NTRK3: variants seen among roughly 807,000 people sequenced by gnomAD.
NTRK3 encodes NT-3 growth factor receptor.
NTRK3 carries 24 observed loss-of-function variants against 91.7 expected under a neutral mutation model. The observed-to-expected ratio is 0.26, with a 90% CI of 0.19 to 0.37. The LOEUF (loss-of-function observed/expected upper bound fraction) is 0.37. Among genes scored for constraint, NTRK3 ranks in the 10% least tolerant of loss-of-function variants. The pLI, the probability that NTRK3 is intolerant of heterozygous loss-of-function variation, is 1.00. For missense variants in NTRK3, 880 were observed against 1,068.9 expected (o/e 0.82, Z 2.46); for synonymous variants, 483 against 404.0 (o/e 1.20, Z -2.34).
At chr15:88,009,356 A>T (rs951563504) in intron 14 of NTRK3, among the ~76,000 whole-genome samples, 1 of 151,702 alleles carries the variant, frequency 6.6e-6, no homozygotes, top group African/African-American at 2.4e-5. Context: ...AGATGAGCAG[A>T]AAGAGTTGGG....
At chr15:88,173,616 C>A (rs543958429) in intron 5 of NTRK3, among the ~76,000 whole-genome samples, 1 of 152,238 alleles carries the variant, frequency 6.6e-6, no homozygotes, top group Non-Finnish European at 1.5e-5. Flanking sequence ...TGCTAGCAAC[C>A]AGGTGCAAAG....
At chr15:87,916,873 T>C (rs2141802862) in intron 17 of NTRK3, among the ~76,000 whole-genome samples, 1 of 152,114 alleles carries the variant, frequency 6.6e-6, no homozygotes, top group South Asian at 2.1e-4. Context: ...GTGATTCTCC[T>C]GCCTCAGCCT....
intron 14 of NTRK3, among the ~76,000 whole-genome samples, chr15:87,987,675 C>G (rs1353885059): frequency 6.6e-6 from 1 of 151,860 alleles, no homozygotes; most frequent in Non-Finnish European, 1.5e-5. Flanking sequence ...GTATACAGTA[C>G]TCATAGATTT....
intron 14 of NTRK3, among the ~76,000 whole-genome samples, chr15:87,996,632 A>C (rs139173496): frequency 1.8e-3 from 273 of 152,296 alleles, no homozygotes; most frequent in African/African-American, 6.2e-3. Context: ...GCAATGCTTA[A>C]AGAAGTGTGG....
intron 17 of NTRK3, among the ~76,000 whole-genome samples, chr15:87,916,823 G>C (rs1386946583): frequency 2.6e-5 from 4 of 151,658 alleles, no homozygotes; most frequent in Non-Finnish European, 4.4e-5. Flanking sequence ...GTGCGGTGGT[G>C]TGATCTCGGC....
rs896811474 is a variant in NTRK3, at chr15:87,900,666, C to T, written c.2134-20238G>A. Among the ~76,000 whole-genome samples, 3 of 150,912 alleles carry T rather than the reference C, an allele frequency of 2.0e-5. No individual in the cohort carries two copies. The East Asian group carries it at 5.9e-4, about 30-fold the overall frequency. On this transcript the variant is annotated intron_variant, in intron 17 of 18. Transcript: ENST00000394480. ...TCAAGGCCCTTCCTAACACCTGCAGCATCAGCAGCCTGACTTTACAGAGGG... is the reference window on the plus strand; with the variant it reads ...TCAAGGCCCTTCCTAACACCTGCAGTATCAGCAGCCTGACTTTACAGAGGG...
chr15:88,151,477 C>A (rs1838784828), intron 5 of NTRK3, among the ~76,000 whole-genome samples: 3 of 152,170 alleles, frequency 2.0e-5, no homozygotes, highest in Admixed American at 2.0e-4. Flanking sequence ...CAGTAGAAAC[C>A]TAAGCACAGT....
intron 13 of NTRK3, among the ~76,000 whole-genome samples, chr15:88,040,745 C>A (rs1255048598): frequency 1.3e-5 from 2 of 152,106 alleles, no homozygotes; most frequent in African/African-American, 4.8e-5. Flanking sequence ...AGTGACAGAA[C>A]CCCAAGGATG....
rs532908146 is a variant in NTRK3 at position 87,887,966 on chromosome 15, A to C, written c.2134-7538T>G. 5.4e-4 allele frequency among the ~76,000 whole-genome samples: 82 copies of C among 152,312 alleles called. 1 individual carries two copies. Among genetic ancestry groups the C allele is most frequent in the African/African-American group, 1.9e-3 (81 of 41,584 alleles). ...CAAGCTCTCAATGAGATAATTAAGG[A>C]TTTTAAGGCTGAACCCTGAAAAAAG... On this transcript the variant is annotated intron_variant, in intron 17 of 18. Coordinates refer to ENST00000394480, the Ensembl canonical transcript of NTRK3.
At chr15:88,197,093 A>T (rs11633036) in intron 3 of NTRK3, among the ~76,000 whole-genome samples, 1 of 124,928 alleles carries the variant, frequency 8.0e-6, no homozygotes, top group African/African-American at 3.5e-5. Flanking sequence ...GTTGAGCAGG[A>T]CAAAAAAAAA....
At chr15:88,090,342 G>A (rs2048903669) in intron 13 of NTRK3, among the ~76,000 whole-genome samples, 1 of 152,208 alleles carries the variant, frequency 6.6e-6, no homozygotes, top group South Asian at 2.1e-4. Context: ...ATGTAAGCCA[G>A]TACTTGGTGC....
chr15:88,210,440 C>CT (rs939365501), intron 3 of NTRK3, among the ~76,000 whole-genome samples: 1 of 152,190 alleles, frequency 6.6e-6, no homozygotes, highest in African/African-American at 2.4e-5. Flanking sequence ...AGGAATGCTA[C>CT]AGAATGTCCT....
At chr15:88,132,791 G>T (rs16941325) in intron 10 of NTRK3, among the ~76,000 whole-genome samples, 1,827 of 152,258 alleles carry the variant, frequency 0.012, 21 homozygotes, top group African/African-American at 0.042. Context: ...CCCTGTCACT[G>T]CCTTTTCATC....
At chr15:88,198,262 C>T (rs1436264881) in intron 3 of NTRK3, among the ~76,000 whole-genome samples, 1 of 152,070 alleles carries the variant, frequency 6.6e-6, no homozygotes, top group Non-Finnish European at 1.5e-5. Flanking sequence ...CATCCTTACC[C>T]ACTGCTTCCT....
chr15:88,000,562 T>C (rs2076030653), intron 14 of NTRK3, among the ~76,000 whole-genome samples: 1 of 152,210 alleles, frequency 6.6e-6, no homozygotes, highest in Non-Finnish European at 1.5e-5. Flanking sequence ...CTTGCTGGTA[T>C]TATGGATTTG....
Position 87,860,729 on chromosome 15 carries a change from T to C in NTRK3, c.*16206A>G, listed in dbSNP as rs1486655534. 1.0e-4 allele frequency: 21 copies of C among 210,322 alleles called. 1 individual carries two copies. The Admixed American group carries it at 1.2e-3, about 12-fold the overall frequency. The allele number at this position is 210,322 out of a possible 1,614,324, so 13.0% of individuals were successfully genotyped here. A position where few individuals can be genotyped will look rare whatever the true frequency, so the allele number is the denominator to read the frequency against. On this transcript the variant is annotated 3_prime_UTR_variant, in exon 19 of 19. Transcript: ENST00000394480. ...CTACTAAAACCTCAGTCACTTATGTTAAGTTATCAACTTTGGGATCCAAAT... is the reference window on the plus strand; with the variant it reads ...CTACTAAAACCTCAGTCACTTATGTCAAGTTATCAACTTTGGGATCCAAAT...
intron 3 of NTRK3, among the ~76,000 whole-genome samples, chr15:88,198,775 A>C (rs932241813): frequency 6.6e-6 from 1 of 152,146 alleles, no homozygotes; most frequent in African/African-American, 2.4e-5. Context: ...TCCAACCTGC[A>C]GTGGGAAAGA....
chr15:88,114,756 A>C (rs2051849392), intron 13 of NTRK3, among the ~76,000 whole-genome samples: 1 of 152,218 alleles, frequency 6.6e-6, no homozygotes, highest in Non-Finnish European at 1.5e-5. Flanking sequence ...GGAAATTAGG[A>C]AGGGACTGAA....
chr15:87,979,601 T>C (rs879688432), intron 14 of NTRK3: 13 of 667,404 alleles, frequency 1.9e-5, no homozygotes, highest in African/African-American at 5.5e-5. Flanking sequence ...AAGGGAAGGA[T>C]AGGAGGAGGG....
Sources: allele counts gnomAD v4.1 joint callset (sites outside exome capture counted in the v4.1 genomes callset), GRCh38; gene constraint gnomAD v4.1.1; transcripts MANE v1.5; gene names NCBI Gene and HGNC (gene_info 2026-07-23, HGNC 2026-07-21).